Variants in CYSTM1 observed in about 807,000 individuals in gnomAD.
CYSTM1 encodes the protein cysteine rich transmembrane module containing 1.
In CYSTM1, 4 loss-of-function variants were observed where a neutral mutation model predicts 13.1. That is an observed-to-expected ratio of 0.31 (90% CI 0.15 to 0.70). The LOEUF (loss-of-function observed/expected upper bound fraction) is 0.70. Ranked by LOEUF, CYSTM1 falls within the 30% of genes least tolerant of loss-of-function variation. The pLI is 0.72. For missense variants in CYSTM1, 96 were observed against 121.6 expected, an observed-to-expected ratio of 0.79 and a Z score of 0.99; for synonymous variants, 36 against 42.7, an observed-to-expected ratio of 0.84 and a Z score of 0.62.
At chr5:140,179,669 C>CTTTTCAT (rs1763940282) in intron 1 of CYSTM1, among the ~76,000 whole-genome samples, 1 of 149,432 alleles carries the variant, frequency 6.7e-6, no homozygotes, top group Non-Finnish European at 1.5e-5. Context: ...TCTTTCTTTT[C>CTTTTCAT]TTTTCTTTTG....
chr5:140,242,205 C>T (rs1764758379), intron 2 of CYSTM1, among the ~76,000 whole-genome samples: 1 of 152,114 alleles, frequency 6.6e-6, no homozygotes, highest in Non-Finnish European at 1.5e-5. Context: ...TAGGATTAAA[C>T]CTGTGCCATA....
intron 2 of CYSTM1, among the ~76,000 whole-genome samples, chr5:140,216,190 G>A (rs1170736462): frequency 1.3e-5 from 2 of 152,086 alleles, no homozygotes; most frequent in Non-Finnish European, 2.9e-5. Context: ...ATCCTCAGCT[G>A]TATCTCAGTC....
At chr5:140,182,936 G>A (rs1481443128) in intron 1 of CYSTM1, among the ~76,000 whole-genome samples, 1 of 152,184 alleles carries the variant, frequency 6.6e-6, no homozygotes, top group Non-Finnish European at 1.5e-5. Context: ...AGTGCTGACT[G>A]AGCTGCTGCT....
intron 2 of CYSTM1, among the ~76,000 whole-genome samples, chr5:140,222,406 T>C (rs1354223441): frequency 6.6e-6 from 1 of 152,244 alleles, no homozygotes; most frequent in Non-Finnish European, 1.5e-5. Flanking sequence ...TTGGCTTCCT[T>C]GAGCCAGTGT....
intron 1 of CYSTM1, among the ~76,000 whole-genome samples, chr5:140,185,350 C>A (rs932829862): frequency 6.6e-6 from 1 of 152,166 alleles, no homozygotes; most frequent in Admixed American, 6.5e-5. Flanking sequence ...AATGTTGATA[C>A]AAAAGATACG....
chr5:140,206,045 G>T (rs143216739), intron 2 of CYSTM1, among the ~76,000 whole-genome samples: 4 of 152,084 alleles, frequency 2.6e-5, no homozygotes, highest in Non-Finnish European at 4.4e-5. Context: ...CCACCTCTCT[G>T]ACTCCTGCCA....
At chr5:140,176,373 CAAAA>C (rs1202726872) in intron 1 of CYSTM1, among the ~76,000 whole-genome samples, 2 of 152,066 alleles carry the variant, frequency 1.3e-5, no homozygotes, top group Non-Finnish European at 2.9e-5. Flanking sequence ...AGAAATTAAA[CAAAA>C]AATAATTGTA....
intron 2 of CYSTM1, among the ~76,000 whole-genome samples, chr5:140,195,980 G>T (rs1764151896): frequency 6.6e-6 from 1 of 151,242 alleles, no homozygotes; most frequent in African/African-American, 2.4e-5. Flanking sequence ...GGGAGGCAGA[G>T]GTTGCTGTGA....
intron 1 of CYSTM1, among the ~76,000 whole-genome samples, chr5:140,177,589 A>G (rs2126651010): frequency 6.6e-6 from 1 of 152,244 alleles, no homozygotes; most frequent in East Asian, 1.9e-4. Context: ...GCAGCACTCA[A>G]AGGAGTGCAA....
chr5:140,228,278 C>T (rs13180777), intron 2 of CYSTM1, among the ~76,000 whole-genome samples: 35,121 of 152,124 alleles, frequency 0.23, 4,091 homozygotes, highest in African/African-American at 0.25. Flanking sequence ...CATTCCCACT[C>T]CTGCTAACAG....
rs1000101481 is a variant in CYSTM1 at position 140,239,108 on chromosome 5, G to T, written c.188-4197G>T. ...GCCTAGCTCTCTTGGGTTGGGACTG[G>T]TACAGACACTTGCAAAAACAAGAAG... On this transcript the variant is annotated intron_variant, in intron 2 of 2. Coordinates refer to ENST00000261811, the MANE Select transcript of CYSTM1 (RefSeq NM_032412.4). This position sits in a 1 kb window ranked among gnomAD's most constrained non-coding sequence, Gnocchi z 5.4. Among the ~76,000 whole-genome samples, 6 of 152,122 alleles carry T rather than the reference G, an allele frequency of 3.9e-5. No homozygotes were observed. Among genetic ancestry groups the T allele is most frequent in the African/African-American group, 1.2e-4 (5 of 41,416 alleles).
intron 2 of CYSTM1, among the ~76,000 whole-genome samples, chr5:140,234,349 C>T (rs903810209): frequency 1.3e-5 from 2 of 152,174 alleles, no homozygotes; most frequent in African/African-American, 4.8e-5. Context: ...ATCTTGACTA[C>T]TGTAGCTTTA....
At chr5:140,228,868 C>T (rs1432313623) in intron 2 of CYSTM1, 2 of 398,620 alleles carry the variant, frequency 5.0e-6, no homozygotes, top group Non-Finnish European at 8.8e-6. Flanking sequence ...CCCTACAGCC[C>T]TGCTACCTCC....
intron 2 of CYSTM1, among the ~76,000 whole-genome samples, chr5:140,215,150 T>C (rs1180336470): frequency 6.6e-6 from 1 of 152,190 alleles, no homozygotes; most frequent in African/African-American, 2.4e-5. Flanking sequence ...TTCTCATAGA[T>C]TTTCATGGAA....
At chr5:140,211,303 T>C (rs1177727707) in intron 2 of CYSTM1, among the ~76,000 whole-genome samples, 1 of 152,224 alleles carries the variant, frequency 6.6e-6, no homozygotes, top group Non-Finnish European at 1.5e-5. Context: ...TAAGAAGTGA[T>C]GGAGCTGAGA....
At chr5:140,194,375 T>G in intron 1 of CYSTM1, 71 bp from the exon 2 acceptor site, 1 of 1,378,276 alleles carries the variant, frequency 7.3e-7, no homozygotes, top group Non-Finnish European at 9.7e-7. Flanking sequence ...AATGATCTTA[T>G]GGGTTAGGAT....
chr5:140,234,842 C>T (rs959599260), intron 2 of CYSTM1, among the ~76,000 whole-genome samples: 5 of 152,178 alleles, frequency 3.3e-5, no homozygotes, highest in Non-Finnish European at 5.9e-5. Context: ...ATTGGAAAAT[C>T]CTCCCTCCCT....
At chr5:140,228,717 C>G in intron 2 of CYSTM1, 1 of 399,020 alleles carries the variant, frequency 2.5e-6, no homozygotes, top group Non-Finnish European at 4.4e-6. Context: ...CCGCCCTGCA[C>G]CCCCTTCAAC....
chr5:140,189,873 C>CTTGA (rs1238827618), intron 1 of CYSTM1, among the ~76,000 whole-genome samples: 1 of 151,876 alleles, frequency 6.6e-6, no homozygotes, highest in Non-Finnish European at 1.5e-5. Context: ...CTTCTAAAAG[C>CTTGA]TTGATTGGTT....
Sources: gnomAD v4.1 joint callset for allele counts (sites outside exome capture counted in the v4.1 genomes callset) on GRCh38, gnomAD v4.1.1 for gene constraint, Gnocchi (gnomAD v3.1) non-coding constraint, MANE v1.5 for transcripts, NCBI Gene and HGNC (gene_info 2026-07-23, HGNC 2026-07-21) for gene names.